GRID1: variants seen among roughly 807,000 people sequenced by gnomAD.
The protein encoded by GRID1 is glutamate ionotropic receptor delta type subunit 1, also known as glutamate receptor ionotropic, delta-1.
Under a neutral mutation model 98.0 loss-of-function variants are expected in GRID1, and 28 were observed. The ratio of observed to expected loss-of-function variants is 0.29; its 90% CI spans 0.21 to 0.39. GRID1 has a LOEUF of 0.39. Ranked by LOEUF, GRID1 falls within the 10% of genes least tolerant of loss-of-function variation. The pLI is 1.00. For missense variants in GRID1, 1,111 were observed against 1,340.5 expected (o/e 0.83, Z 2.67); for synonymous variants, 553 against 538.5 (o/e 1.03, Z -0.37).
At chr10:85,827,958 T>A (rs145423739) in intron 8 of GRID1, among the ~76,000 whole-genome samples, 1 of 152,170 alleles carries the variant, frequency 6.6e-6, no homozygotes, top group African/African-American at 2.4e-5. Context: ...TACAGAAATC[T>A]CCATTCAAAA....
At chr10:86,167,921 G>T (rs1040012571) in intron 3 of GRID1, among the ~76,000 whole-genome samples, 1 of 152,168 alleles carries the variant, frequency 6.6e-6, no homozygotes, top group African/African-American at 2.4e-5. Context: ...GAGGCACCAG[G>T]CCAGGCTCAC....
At chr10:86,253,641 A>G (rs2132050645) in intron 2 of GRID1, among the ~76,000 whole-genome samples, 1 of 152,248 alleles carries the variant, frequency 6.6e-6, no homozygotes, top group South Asian at 2.1e-4. Context: ...GCATGGGAGG[A>G]CAAGAAGGCC....
chr10:85,793,150 C>T (rs1292901874), intron 8 of GRID1, among the ~76,000 whole-genome samples: 1 of 152,160 alleles, frequency 6.6e-6, no homozygotes, highest in African/African-American at 2.4e-5. Context: ...TCTTCCTCTC[C>T]CAAAGGGTTC....
At chr10:85,971,231 T>C (rs1462857474) in intron 4 of GRID1, among the ~76,000 whole-genome samples, 1 of 151,900 alleles carries the variant, frequency 6.6e-6, no homozygotes. Context: ...TAAAAATAAA[T>C]AAGCTTCTAA....
intron 4 of GRID1, among the ~76,000 whole-genome samples, chr10:85,925,557 AG>A (rs1011685545): frequency 2.0e-5 from 3 of 152,236 alleles, no homozygotes; most frequent in Non-Finnish European, 4.4e-5. Context: ...CTCCAGCTTC[AG>A]GTGATTTTCA....
intron 2 of GRID1, among the ~76,000 whole-genome samples, chr10:86,257,967 G>A (rs560946778): frequency 6.6e-6 from 1 of 152,168 alleles, no homozygotes; most frequent in African/African-American, 2.4e-5. Context: ...CAAAACACAT[G>A]CCCAGTCTCT....
At chr10:85,991,818 A>G (rs56355604) in intron 4 of GRID1, among the ~76,000 whole-genome samples, 16,586 of 152,192 alleles carry the variant, frequency 0.11, 1,102 homozygotes, top group East Asian at 0.27. Context: ...GAGAAAACAA[A>G]ATCAGGAGAA....
chr10:86,143,596 C>A (rs1845040900), intron 3 of GRID1, among the ~76,000 whole-genome samples: 1 of 152,220 alleles, frequency 6.6e-6, no homozygotes, highest in Admixed American at 6.5e-5. Context: ...GCCCCATCCA[C>A]CATCACCAAT....
intron 5 of GRID1, among the ~76,000 whole-genome samples, chr10:85,870,064 G>A (rs558150638): frequency 1.3e-5 from 2 of 152,292 alleles, no homozygotes; most frequent in East Asian, 3.9e-4. Flanking sequence ...TTGTTCCTGG[G>A]TGTGTCTGTG....
chr10:85,954,586 T>C (rs1212146173), intron 4 of GRID1, among the ~76,000 whole-genome samples: 1 of 152,232 alleles, frequency 6.6e-6, no homozygotes, highest in African/African-American at 2.4e-5. Flanking sequence ...TTGATATATG[T>C]AAGGAAGCTG....
chr10:86,035,357 G>A (rs935042965), intron 4 of GRID1, among the ~76,000 whole-genome samples: 16 of 152,330 alleles, frequency 1.1e-4, no homozygotes, highest in African/African-American at 3.6e-4. Flanking sequence ...GAGTTCCAAA[G>A]GTTGATTAAT....
intron 3 of GRID1, among the ~76,000 whole-genome samples, chr10:86,141,849 G>A (rs560900531): frequency 5.8e-4 from 89 of 152,342 alleles, no homozygotes; most frequent in African/African-American, 2.0e-3. Context: ...CCAGTGTGGT[G>A]TAAACGATAT....
In GRID1 at chr10:86,208,541, C is replaced by A. The variant is rs1475368119; in HGVS notation, c.236-1893G>T. On this transcript the variant is annotated intron_variant, in intron 2 of 15. Transcript: ENST00000327946. ...TCCCAACCAACTGCCCACCCTGGAC[C>A]CTCAAACTCACCTCTTCAATCCTGA... Among the ~76,000 whole-genome samples the A allele has an allele frequency of 3.3e-5, 5 of 152,258 alleles. No homozygotes were observed. The East Asian group carries it at 9.7e-4, about 29-fold the overall frequency.
chr10:85,778,272 G>A (rs1191501350), intron 8 of GRID1, among the ~76,000 whole-genome samples: 2 of 152,068 alleles, frequency 1.3e-5, no homozygotes, highest in African/African-American at 4.8e-5. Flanking sequence ...AACTCCAGTG[G>A]GAATCATGAT....
intron 4 of GRID1, among the ~76,000 whole-genome samples, chr10:85,935,357 A>G (rs1841912655): frequency 6.6e-6 from 1 of 152,196 alleles, no homozygotes; most frequent in Admixed American, 6.5e-5. Context: ...GTTCTGACCT[A>G]AAGATTACAA....
chr10:86,179,523 A>C (rs972253670), intron 3 of GRID1, among the ~76,000 whole-genome samples: 9 of 152,184 alleles, frequency 5.9e-5, no homozygotes, highest in Admixed American at 2.0e-4. Flanking sequence ...CCAAGGTCAC[A>C]CAATTTGCAA....
In GRID1 at chr10:85,614,144, T is replaced by C. The variant is rs115253713; in HGVS notation, c.2361-497A>G. Among the ~76,000 whole-genome samples, 1,073 of 152,352 alleles carry C rather than the reference T, an allele frequency of 7.0e-3. 12 individuals carry two copies. Among genetic ancestry groups the C allele is most frequent in the East Asian group, 0.048 (248 of 5,184 alleles). ...ATTTGAGGATCTTCTGTGCTTTGCC[T>C]AGTATGATGTTCAGCACTACTAAGC... On this transcript the variant is annotated intron_variant, in intron 14 of 15. Coordinates refer to ENST00000327946, the MANE Select transcript of GRID1 (RefSeq NM_017551.3).
intron 2 of GRID1, among the ~76,000 whole-genome samples, chr10:86,333,983 A>C (rs985082138): frequency 5.9e-5 from 9 of 152,130 alleles, no homozygotes; most frequent in Admixed American, 6.5e-5. Flanking sequence ...ACCCACTAGC[A>C]CTAGATGCCA....
intron 8 of GRID1, among the ~76,000 whole-genome samples, chr10:85,771,393 G>A (rs894703557): frequency 6.6e-6 from 1 of 152,050 alleles, no homozygotes; most frequent in Admixed American, 6.6e-5. Flanking sequence ...GACCATCGAG[G>A]CTAGGAAGAA....
Sources: allele counts gnomAD v4.1 joint callset (sites outside exome capture counted in the v4.1 genomes callset), GRCh38; gene constraint gnomAD v4.1.1; transcripts MANE v1.5; gene names NCBI Gene and HGNC (gene_info 2026-07-23, HGNC 2026-07-21).